PRKCE: variants seen among roughly 807,000 people sequenced by gnomAD.
PRKCE encodes protein kinase C epsilon type.
In PRKCE, 16 loss-of-function variants were observed where a neutral mutation model predicts 85.4. That is an observed-to-expected ratio of 0.19 (90% CI 0.13 to 0.28). The LOEUF is 0.28. PRKCE is among the 10% of genes least tolerant of loss of function. The probability of loss-of-function intolerance (pLI) is 1.00; values close to 1 mark genes in which losing one functional copy is unlikely to be tolerated. For synonymous variants in PRKCE, 388 were observed against 371.5 expected (o/e 1.04, Z -0.51); for missense variants, 573 against 975.2 (o/e 0.59, Z 5.49).
intron 10 of PRKCE, among the ~76,000 whole-genome samples, chr2:46,057,993 C>T (rs1363821234): frequency 6.6e-6 from 1 of 152,256 alleles, no homozygotes. Context: ...GAACCTTGGT[C>T]AGACCTCAGG....
intron 2 of PRKCE, among the ~76,000 whole-genome samples, chr2:45,918,588 A>G (rs978928732): frequency 6.6e-6 from 1 of 152,340 alleles, no homozygotes; most frequent in South Asian, 2.1e-4. Flanking sequence ...TTCGGTTTCT[A>G]TAGTTACTTT....
At chr2:45,804,193 C>G (rs1393138596) in intron 1 of PRKCE, among the ~76,000 whole-genome samples, 1 of 152,186 alleles carries the variant, frequency 6.6e-6, no homozygotes, top group Non-Finnish European at 1.5e-5. Context: ...TGGGAGCAAA[C>G]CCAATGCTGC....
At chr2:45,922,594 G>C (rs1437794976) in intron 2 of PRKCE, among the ~76,000 whole-genome samples, 1 of 152,176 alleles carries the variant, frequency 6.6e-6, no homozygotes, top group Non-Finnish European at 1.5e-5. Flanking sequence ...CCCCCAGGCT[G>C]TCTCCACCCC....
rs557312813 is a variant in PRKCE, at chr2:46,112,493, T to G, written c.1592+26131T>G. On this transcript the variant is annotated intron_variant, in intron 11 of 14. Transcript: ENST00000306156. ...TTTATCCCTGTTTTTGTTTTTTTGG[T>G]TTTTTTTTTGTTTGTTTGTTTGTTT... Among the ~76,000 whole-genome samples, 145 of 55,434 alleles carry G rather than the reference T, an allele frequency of 2.6e-3. No homozygotes were observed. The Middle Eastern group carries it at 0.047, about 18-fold the overall frequency. 36.4% of individuals were successfully genotyped at this position (55,434 alleles called of 152,430 possible).
At chr2:46,082,090 A>C (rs1669134032) in intron 10 of PRKCE, among the ~76,000 whole-genome samples, 1 of 152,092 alleles carries the variant, frequency 6.6e-6, no homozygotes, top group Non-Finnish European at 1.5e-5. Context: ...CAAGACTCTC[A>C]AAAAAACTAA....
chr2:45,769,492 G>A (rs139676937), intron 1 of PRKCE, among the ~76,000 whole-genome samples: 1 of 152,256 alleles, frequency 6.6e-6, no homozygotes, highest in African/African-American at 2.4e-5. Flanking sequence ...AATCGCTGGC[G>A]AGTAGTTTGA....
intron 1 of PRKCE, among the ~76,000 whole-genome samples, chr2:45,702,046 G>A (rs552763932): frequency 9.2e-5 from 14 of 152,174 alleles, no homozygotes; most frequent in African/African-American, 1.2e-4. Flanking sequence ...AAAATTAGCC[G>A]GACTTGGTGG....
chr2:46,076,002 G>A (rs181831422), intron 10 of PRKCE, among the ~76,000 whole-genome samples: 4 of 152,280 alleles, frequency 2.6e-5, no homozygotes, highest in African/African-American at 4.8e-5. Context: ...CCAGTGGGGC[G>A]AAACCAGGAG....
intron 2 of PRKCE, among the ~76,000 whole-genome samples, chr2:45,898,078 G>A (rs942730016): frequency 9.2e-5 from 14 of 152,194 alleles, no homozygotes; most frequent in Non-Finnish European, 1.6e-4. Context: ...CCTTTTGCAG[G>A]CCCCTCGTGA....
intron 11 of PRKCE, among the ~76,000 whole-genome samples, chr2:46,111,505 C>G (rs750355461): frequency 4.9e-4 from 74 of 152,270 alleles, no homozygotes; most frequent in Non-Finnish European, 9.1e-4. Flanking sequence ...CCTTCCATCC[C>G]CTTACCCTGA....
In PRKCE at chr2:46,033,913, G is replaced by A. The variant is rs188833007; in HGVS notation, c.1437+23396G>A. Among the ~76,000 whole-genome samples the A allele has an allele frequency of 7.6e-4, 115 of 152,196 alleles. 1 individual carries two copies. In the East Asian group the frequency reaches 0.021, roughly 28 times the overall value. ...TTCTGATGAGAGGAACAAATTGAGG[G>A]GTCACCAGTGTGAGGACAACCTTGA... On this transcript the variant is annotated intron_variant, in intron 10 of 14. Transcript: ENST00000306156.
At chr2:45,758,775 T>A (rs1419004842) in intron 1 of PRKCE, among the ~76,000 whole-genome samples, 1 of 152,196 alleles carries the variant, frequency 6.6e-6, no homozygotes, top group Non-Finnish European at 1.5e-5. Context: ...CTGCCTGGAA[T>A]GTAGTGGATG....
intron 2 of PRKCE, among the ~76,000 whole-genome samples, chr2:45,870,534 A>G (rs1694008256): frequency 6.6e-6 from 1 of 152,312 alleles, no homozygotes; most frequent in East Asian, 1.9e-4. Context: ...TGTTGTTGTT[A>G]TCTCTATTTC....
chr2:45,818,195 C>G (rs1202238286), intron 1 of PRKCE, among the ~76,000 whole-genome samples: 2 of 152,100 alleles, frequency 1.3e-5, no homozygotes, highest in African/African-American at 4.8e-5. Context: ...TTTGTTTTTA[C>G]TTTTTGGCAT....
intron 11 of PRKCE, among the ~76,000 whole-genome samples, chr2:46,116,548 G>A (rs987469347): frequency 2.0e-5 from 3 of 152,196 alleles, no homozygotes. Context: ...GTGAGTATGT[G>A]CTCCCCACCT....
At chr2:45,901,135 A>T (rs1696548872) in intron 2 of PRKCE, among the ~76,000 whole-genome samples, 1 of 152,228 alleles carries the variant, frequency 6.6e-6, no homozygotes, top group Non-Finnish European at 1.5e-5. Context: ...CTATGTATAT[A>T]GATGTTTGGA....
At chr2:46,017,590 T>C (rs1288237819) in intron 10 of PRKCE, among the ~76,000 whole-genome samples, 1 of 152,232 alleles carries the variant, frequency 6.6e-6, no homozygotes, top group African/African-American at 2.4e-5. Flanking sequence ...CTGGATCATA[T>C]AGTAATTCTC....
chr2:45,836,681 A>C (rs1258498355), intron 1 of PRKCE, among the ~76,000 whole-genome samples: 1 of 152,158 alleles, frequency 6.6e-6, no homozygotes, highest in East Asian at 1.9e-4. Context: ...TTTGGGAACC[A>C]GTCCCCCAGT....
At chr2:45,810,177 A>G (rs1205242798) in intron 1 of PRKCE, among the ~76,000 whole-genome samples, 1 of 151,808 alleles carries the variant, frequency 6.6e-6, no homozygotes, top group Non-Finnish European at 1.5e-5. Context: ...AGTAGCTGGG[A>G]TTACAGGTGC....
Sources: gnomAD v4.1 joint callset for allele counts (sites outside exome capture counted in the v4.1 genomes callset) on GRCh38, gnomAD v4.1.1 for gene constraint, MANE v1.5 for transcripts, NCBI Gene and HGNC (gene_info 2026-07-23, HGNC 2026-07-21) for gene names.